CFAP251: variants seen among roughly 807,000 people sequenced by gnomAD.
The protein encoded by CFAP251 is cilia and flagella associated protein 251.
A neutral mutation model predicts 126.7 loss-of-function variants in CFAP251; 93 were observed. The ratio of observed to expected loss-of-function variants is 0.73; its 90% CI spans 0.62 to 0.87. The LOEUF (loss-of-function observed/expected upper bound fraction) is 0.87. CFAP251 is among the 40% of genes least tolerant of loss of function. The probability of loss-of-function intolerance (pLI) is 0.00; values close to 1 mark genes in which losing one functional copy is unlikely to be tolerated. For synonymous variants in CFAP251, 503 were observed against 506.9 expected, an observed-to-expected ratio of 0.99 and a Z score of 0.10; for missense variants, 1,287 against 1,389.2, an observed-to-expected ratio of 0.93 and a Z score of 1.17.
In CFAP251 at chr12:121,921,692, T is replaced by C; in HGVS notation, c.378+9T>C. ...CATCAGGAATTTTCCCAGTAAGTAG[T>C]CATCTTAATTCATTCATCAATTCAT... is the stretch of plus-strand genomic sequence containing the variant. On this transcript the variant is annotated intron_variant, in intron 2 of 21. Transcript: ENST00000288912. 1 of 1,593,156 alleles carries C rather than the reference T, an allele frequency of 6.3e-7. No individual in the cohort carries two copies.
chr12:121,921,451 A>C lies in CFAP251; in HGVS notation c.146A>C (p.Glu49Ala), dbSNP rs1269435334. The change falls in exon 2 of 22, where the codon GAG (glutamate) becomes GCG (alanine). Residue 49 changes from glutamate (E) to alanine (A), a missense_variant. Physicochemically the swap from Glu to Ala is moderately radical, Grantham distance 107. Transcript: ENST00000288912. ...AAAGATGACACAATAGCATGGAGAGAGTCTCAGGAGGAGGAGAGGAAAACG... is the reference window on the plus strand; with the variant it reads ...AAAGATGACACAATAGCATGGAGAGCGTCTCAGGAGGAGGAGAGGAAAACG... ...ESKDDTIAWR[E>A]SQEEERKTGE... The C allele has an allele frequency of 8.7e-6, 14 of 1,613,748 alleles. No individual in the cohort carries two copies. The highest frequency in any genetic ancestry group is 1.2e-5 in the Non-Finnish European group (14 of 1,179,892).
At position 121,966,427 on chromosome 12, in the gene CFAP251, A is replaced by AT. The variant is rs1159106051; in HGVS notation, c.2493-504dup. 6.6e-3 allele frequency among the ~76,000 whole-genome samples: 362 copies of AT among 54,702 alleles called. 22 individuals carry two copies. The highest frequency in any genetic ancestry group is 0.019 in the East Asian group (30 of 1,620). 35.9% of individuals were successfully genotyped at this position (54,702 alleles called of 152,430 possible). A position where few individuals can be genotyped will look rare whatever the true frequency, so the allele number is the denominator to read the frequency against. Reference sequence around the variant, plus strand: ...AGGCGCGCACCACTATGCCTGGCTAATTTTTTTTTTTTTTTTTTTTTTTTA... The same window carrying AT: ...AGGCGCGCACCACTATGCCTGGCTAATTTTTTTTTTTTTTTTTTTTTTTTTA... On this transcript the variant is annotated intron_variant, in intron 15 of 21. Coordinates refer to ENST00000288912, the MANE Select transcript of CFAP251 (RefSeq NM_144668.6).
At chr12:121,981,832 G>A (rs1417237807) in intron 19 of CFAP251, among the ~76,000 whole-genome samples, 2 of 152,170 alleles carry the variant, frequency 1.3e-5, no homozygotes, top group Admixed American at 6.5e-5. Flanking sequence ...CTGTGACCAC[G>A]TGCCAGTTAC....
At chr12:121,992,518 GA>G in intron 19 of CFAP251, 17 of 983,750 alleles carry the variant, frequency 1.7e-5, no homozygotes, top group Non-Finnish European at 2.1e-5. Flanking sequence ...GTTCTGAACT[GA>G]GTTAAATCAT....
chr12:121,990,688 AC>A (rs1334701478), intron 19 of CFAP251, among the ~76,000 whole-genome samples: 3 of 152,042 alleles, frequency 2.0e-5, no homozygotes, highest in Admixed American at 2.0e-4. Context: ...ACGGTAGCCA[AC>A]CTTTTAAAAT....
chr12:121,950,857 C>T (rs976011691), intron 8 of CFAP251: 4 of 151,920 alleles, frequency 2.6e-5, no homozygotes, highest in African/African-American at 9.7e-5. Flanking sequence ...CGTGCCCAGC[C>T]GATTGTGACT....
chr12:121,995,945 G>A (rs12579569), intron 19 of CFAP251, among the ~76,000 whole-genome samples: 74 of 152,300 alleles, frequency 4.9e-4, no homozygotes, highest in Non-Finnish European at 8.4e-4. Context: ...AAATAGGAAG[G>A]AAGTGCCCCA....
At chr12:122,003,434 G>A (rs761645151) in intron 21 of CFAP251, among the ~76,000 whole-genome samples, 3 of 152,092 alleles carry the variant, frequency 2.0e-5, no homozygotes, top group Non-Finnish European at 4.4e-5. Flanking sequence ...TAAGCTGGGC[G>A]TGGTGGCGTG....
In CFAP251 at chr12:121,918,773, C is replaced by A. The variant is rs948094498; in HGVS notation, c.-21+78C>A. On this transcript the variant is annotated intron_variant, in intron 1 of 21. Transcript: ENST00000288912. This position sits in a 1 kb window ranked among gnomAD's most constrained non-coding sequence, Gnocchi z 4.3. ...GCCCCCGACCTGGCGGGGTCTGGTG[C>A]CCCTTGGGGGGCGCTCACCCGACCT... 1 of 152,398 alleles carries A rather than the reference C, an allele frequency of 6.6e-6. No individual in the cohort carries two copies. Among genetic ancestry groups the A allele is most frequent in the African/African-American group, 2.4e-5 (1 of 41,454 alleles). 9.4% of individuals were successfully genotyped at this position (152,398 alleles called of 1,614,324 possible).
chr12:121,923,049 C>G (rs376442244), intron 2 of CFAP251, among the ~76,000 whole-genome samples: 6 of 152,278 alleles, frequency 3.9e-5, no homozygotes, highest in African/African-American at 1.4e-4. Flanking sequence ...CCCGCCTCGG[C>G]CTCCCAAAGT....
chr12:121,978,812 G>A (rs560496568), intron 19 of CFAP251, among the ~76,000 whole-genome samples: 11 of 152,302 alleles, frequency 7.2e-5, no homozygotes, highest in African/African-American at 2.4e-4. Flanking sequence ...AGTAGCTGGT[G>A]TCAGAGACAC....
chr12:121,930,312 C>A (rs571600315), intron 3 of CFAP251, among the ~76,000 whole-genome samples: 1 of 151,968 alleles, frequency 6.6e-6, no homozygotes, highest in Non-Finnish European at 1.5e-5. Flanking sequence ...CATGGTGAAA[C>A]CCTGTTTCTA....
Position 121,968,966 on chromosome 12 carries a change from G to A in CFAP251, c.2771+797G>A, listed in dbSNP as rs977282795. ...ACTGTCCTCTCATCTACCCAAATCC[G>A]GCATGCTGCCGCAGGGCAGAGTCAA... On this transcript the variant is annotated intron_variant, in intron 17 of 21. Transcript: ENST00000288912. The A allele has an allele frequency of 7.2e-5, 71 of 985,252 alleles. No individual in the cohort carries two copies. In the African/African-American group the frequency reaches 1.0e-3, roughly 14 times the overall value. 61.0% of individuals were successfully genotyped at this position (985,252 alleles called of 1,614,324 possible).
At chr12:121,956,993 G>A in intron 10 of CFAP251, 81 bp from the exon 11 acceptor site, 1 of 1,126,246 alleles carries the variant, frequency 8.9e-7, no homozygotes, top group Non-Finnish European at 1.2e-6. Flanking sequence ...AGAATCCAGA[G>A]CCTGACATAT....
chr12:121,985,213 T>C (rs1882717097), intron 19 of CFAP251, among the ~76,000 whole-genome samples: 1 of 152,176 alleles, frequency 6.6e-6, no homozygotes, highest in African/African-American at 2.4e-5. Flanking sequence ...AATGTATATA[T>C]CTTTTGACTC....
At chr12:121,960,503 C>T (rs1019363349) in intron 13 of CFAP251, 82 bp from the exon 14 acceptor site, 8 of 1,490,452 alleles carry the variant, frequency 5.4e-6, no homozygotes, top group African/African-American at 4.1e-5. Context: ...CAGGCGTGAG[C>T]CACCGCGCCT....
chr12:121,995,705 C>T (rs1386585370), intron 19 of CFAP251, among the ~76,000 whole-genome samples: 1 of 152,038 alleles, frequency 6.6e-6, no homozygotes, highest in African/African-American at 2.4e-5. Context: ...AGGCTGGTCT[C>T]AAACTCCTGA....
chr12:121,936,276 T>G (rs1200492371), intron 5 of CFAP251, among the ~76,000 whole-genome samples: 1 of 152,152 alleles, frequency 6.6e-6, no homozygotes, highest in Non-Finnish European at 1.5e-5. Context: ...AGTGAGACTC[T>G]GTCTCTACAA....
chr12:121,934,180 T>C, intron 4 of CFAP251, 67 bp from the exon 5 acceptor site: 2 of 1,269,908 alleles, frequency 1.6e-6, no homozygotes, highest in Non-Finnish European at 2.2e-6. Flanking sequence ...CCCCGGCCTT[T>C]GCTGATAGTG....
Sources: allele counts gnomAD v4.1 joint callset (sites outside exome capture counted in the v4.1 genomes callset), GRCh38; gene constraint gnomAD v4.1.1; non-coding constraint Gnocchi (gnomAD v3.1); transcripts MANE v1.5; gene names NCBI Gene and HGNC (gene_info 2026-07-23, HGNC 2026-07-21).